Variants in GAREM1 observed in about 807,000 individuals in gnomAD.
The protein encoded by GAREM1 is GRB2 associated regulator of MAPK1 subtype 1, also known as GRB2-associated and regulator of MAPK protein 1.
Under a neutral mutation model 71.3 loss-of-function variants are expected in GAREM1, and 26 were observed. That is an observed-to-expected ratio of 0.36 (90% confidence interval 0.27 to 0.51). The LOEUF (loss-of-function observed/expected upper bound fraction) is 0.51. GAREM1 is among the 20% of genes least tolerant of loss of function. GAREM1 has a pLI of 0.95. For synonymous variants in GAREM1, 440 were observed against 433.2 expected (o/e 1.02, Z -0.20); for missense variants, 1,026 against 1,103.1 (o/e 0.93, Z 0.99).
At chr18:32,380,813 T>C (rs2048089511) in intron 2 of GAREM1, among the ~76,000 whole-genome samples, 1 of 152,096 alleles carries the variant, frequency 6.6e-6, no homozygotes, top group Non-Finnish European at 1.5e-5. Flanking sequence ...AACTTTCAAC[T>C]TTGTTGAGAA....
chr18:32,360,245 T>A (rs1016162415), intron 2 of GAREM1, among the ~76,000 whole-genome samples: 1 of 151,990 alleles, frequency 6.6e-6, no homozygotes, highest in Non-Finnish European at 1.5e-5. Context: ...TATATATATA[T>A]CCTCTATTCT....
At chr18:32,374,284 C>G (rs1338506208) in intron 2 of GAREM1, among the ~76,000 whole-genome samples, 1 of 152,240 alleles carries the variant, frequency 6.6e-6, no homozygotes, top group Non-Finnish European at 1.5e-5. Flanking sequence ...TTACATCTCA[C>G]TCCACTTCTT....
At chr18:32,346,597 C>T (rs1264746015) in intron 2 of GAREM1, among the ~76,000 whole-genome samples, 2 of 152,138 alleles carry the variant, frequency 1.3e-5, no homozygotes, top group Non-Finnish European at 2.9e-5. Context: ...GGCTCTCCTT[C>T]AGGGTAGGAG....
chr18:32,285,979 T>C (rs556800398), intron 4 of GAREM1, among the ~76,000 whole-genome samples: 11 of 152,216 alleles, frequency 7.2e-5, no homozygotes, highest in Non-Finnish European at 1.6e-4. Flanking sequence ...TAGGTTTTGA[T>C]TTGAACTCTT....
intron 2 of GAREM1, among the ~76,000 whole-genome samples, chr18:32,355,226 T>A (rs935920593): frequency 6.6e-6 from 1 of 152,160 alleles, no homozygotes; most frequent in African/African-American, 2.4e-5. Context: ...TTTTTCCACA[T>A]CTATCTAGGA....
rs1199603325 is a variant in GAREM1, at chr18:32,287,093, C to T, written c.1504G>A (p.Ala502Thr). 5 of 1,614,166 alleles carry T rather than the reference C, an allele frequency of 3.1e-6. No individual in the cohort carries two copies. The highest frequency in any genetic ancestry group is 3.4e-6 in the Non-Finnish European group (4 of 1,179,974). Residue 502 changes from alanine to threonine, a missense_variant, in exon 4 of 6, where the codon GCA becomes ACA. Physicochemically the swap from Ala to Thr is moderately conservative, Grantham distance 58 (BLOSUM62 0). This residue lies in a region of GAREM1 where 636 missense variants were observed against 631.2 expected (regional missense o/e 1.01). Coordinates refer to ENST00000269209, the MANE Select transcript of GAREM1 (RefSeq NM_001242409.2). The surrounding 1 kb of genome is among the most constrained non-coding windows in gnomAD (Gnocchi z 5.9). ...GCAGTATCTGAAGACTTCACTGCTG[C>T]TCCCAGAGTCCCAGGGATGGGAAGA... ...SPLPIPGTLGAAVKSSDTALP... is the reference protein window; with the variant it reads ...SPLPIPGTLGTAVKSSDTALP...
At chr18:32,342,357 C>T (rs1433706225) in intron 2 of GAREM1, among the ~76,000 whole-genome samples, 1 of 152,184 alleles carries the variant, frequency 6.6e-6, no homozygotes, top group Non-Finnish European at 1.5e-5. Context: ...CTCCACGCTG[C>T]TGCTGGACAC....
rs1398455470 is a variant in GAREM1 at position 32,291,349 on chromosome 18, A to C, written c.394-3146T>G. The stretch of plus-strand genomic sequence containing the variant: ...AAAAAAAAAAACCAAAAACATGCAC[A>C]AGGAAAAACAGAAAACAATGAAACT... On this transcript the variant is annotated intron_variant, in intron 3 of 5. Coordinates refer to ENST00000269209, the MANE Select transcript of GAREM1 (RefSeq NM_001242409.2). 2.0e-5 allele frequency among the ~76,000 whole-genome samples: 3 copies of C among 150,592 alleles called. No individual in the cohort carries two copies. In the East Asian group the frequency reaches 5.8e-4, roughly 29 times the overall value.
chr18:32,444,263 T>C (rs1184462539), intron 1 of GAREM1, among the ~76,000 whole-genome samples: 1 of 152,206 alleles, frequency 6.6e-6, no homozygotes, highest in Non-Finnish European at 1.5e-5. Flanking sequence ...AATTTTATAG[T>C]ATGTGAATTA....
intron 4 of GAREM1, among the ~76,000 whole-genome samples, chr18:32,270,649 A>G (rs1213416789): frequency 6.6e-6 from 1 of 152,194 alleles, no homozygotes; most frequent in African/African-American, 2.4e-5. Context: ...TGAAATATAG[A>G]AAGTAATATG....
At chr18:32,306,593 AAACTC>A (rs1160664460) in intron 3 of GAREM1, among the ~76,000 whole-genome samples, 1 of 152,168 alleles carries the variant, frequency 6.6e-6, no homozygotes, top group Non-Finnish European at 1.5e-5. Flanking sequence ...TGGTACAGGT[AAACTC>A]AACTAGACCC....
At chr18:32,313,867 A>C (rs1381146433) in intron 2 of GAREM1, among the ~76,000 whole-genome samples, 1 of 152,174 alleles carries the variant, frequency 6.6e-6, no homozygotes, top group Non-Finnish European at 1.5e-5. Flanking sequence ...ACAAGATAAA[A>C]GTAATTTCAA....
At chr18:32,400,892 C>A (rs1414908712) in intron 1 of GAREM1, among the ~76,000 whole-genome samples, 1 of 152,038 alleles carries the variant, frequency 6.6e-6, no homozygotes. Context: ...TATTGTGGCA[C>A]TATTCACAAT....
At position 32,265,163 on chromosome 18, in the gene GAREM1, A is replaced by T. The variant is rs1435541513; in HGVS notation, c.*2708T>A. The T allele has an allele frequency of 6.6e-6, 1 of 152,270 alleles. No homozygotes were observed. Among genetic ancestry groups the T allele is most frequent in the Non-Finnish European group, 1.5e-5 (1 of 68,080 alleles). 9.4% of individuals were successfully genotyped at this position (152,270 alleles called of 1,614,324 possible). ...GTCAGGACACCAAGGTCCTTCACAG[A>T]CAGGTGCTCAGCTTAGGAATGGCAA... On this transcript the variant is annotated 3_prime_UTR_variant, in exon 6 of 6. Coordinates refer to ENST00000269209, the MANE Select transcript of GAREM1 (RefSeq NM_001242409.2).
At chr18:32,433,613 T>C (rs2048645633) in intron 1 of GAREM1, among the ~76,000 whole-genome samples, 1 of 152,010 alleles carries the variant, frequency 6.6e-6, no homozygotes, top group South Asian at 2.1e-4. Flanking sequence ...TTAGCAAAGC[T>C]GAAGAATATC....
At position 32,266,524 on chromosome 18, in the gene GAREM1, GAAT is replaced by G. The variant is rs1402270653; in HGVS notation, c.*1344_*1346del. On this transcript the variant is annotated 3_prime_UTR_variant, in exon 6 of 6. Transcript: ENST00000269209. ...GATGTATATTCTCTAAAAAAGTCAA[GAAT>G]AATGACGCCATTATATTTTGGAATA... The G allele has an allele frequency of 6.6e-6, 1 of 152,072 alleles. No individual in the cohort carries two copies. The highest frequency in any genetic ancestry group is 1.5e-5 in the Non-Finnish European group (1 of 68,008). The allele number at this position is 152,072 out of a possible 1,614,324, so 9.4% of individuals were successfully genotyped here.
At chr18:32,414,732 G>C (rs1478389857) in intron 1 of GAREM1, among the ~76,000 whole-genome samples, 9 of 151,914 alleles carry the variant, frequency 5.9e-5, no homozygotes, top group Non-Finnish European at 1.2e-4. Context: ...TGTTAAAAGG[G>C]AAGTTAATAG....
chr18:32,436,877 C>A (rs2048684867), intron 1 of GAREM1, among the ~76,000 whole-genome samples: 1 of 152,096 alleles, frequency 6.6e-6, no homozygotes, highest in Non-Finnish European at 1.5e-5. Context: ...AAATCCTAAC[C>A]TCCTTACTTA....
At position 32,416,671 on chromosome 18, in the gene GAREM1, C is replaced by T. The variant is rs184334027; in HGVS notation, c.122-23636G>A. On this transcript the variant is annotated intron_variant, in intron 1 of 5. Transcript: ENST00000269209. ...GTGCTGGGAAAACTAGACATTCATACGCAGAAGAATGAAACTAGACCCTTA... is the reference window on the plus strand; with the variant it reads ...GTGCTGGGAAAACTAGACATTCATATGCAGAAGAATGAAACTAGACCCTTA... Among the ~76,000 whole-genome samples, 521 of 152,140 alleles carry T rather than the reference C, an allele frequency of 3.4e-3. 1 individual carries two copies. The highest frequency in any genetic ancestry group is 4.9e-3 in the Non-Finnish European group (333 of 67,976).
Sources: gnomAD v4.1 joint callset for allele counts (sites outside exome capture counted in the v4.1 genomes callset) on GRCh38, gnomAD v4.1.1 for gene constraint, gnomAD v4.1.1 regional missense constraint, Gnocchi (gnomAD v3.1) non-coding constraint, MANE v1.5 for transcripts, NCBI Gene and HGNC (gene_info 2026-07-23, HGNC 2026-07-21) for gene names.